FRMPD4: variants seen among roughly 807,000 people sequenced by gnomAD.
FRMPD4 encodes FERM and PDZ domain-containing protein 4.
Under a neutral mutation model 94.1 loss-of-function variants are expected in FRMPD4, and 22 were observed. That is an observed-to-expected ratio of 0.23 (90% CI 0.17 to 0.33). The LOEUF (loss-of-function observed/expected upper bound fraction) is 0.33. Ranked by LOEUF, FRMPD4 falls within the 10% of genes least tolerant of loss-of-function variation. The pLI is 1.00. For missense variants in FRMPD4, 1,111 were observed against 1,339.9 expected, an observed-to-expected ratio of 0.83 and a Z score of 2.67; for synonymous variants, 631 against 548.6, an observed-to-expected ratio of 1.15 and a Z score of -2.10.
At chrX:12,470,795 A>C (rs1409080422) in intron 1 of FRMPD4, among the ~76,000 whole-genome samples, 4 of 111,696 alleles carry the variant, frequency 3.6e-5, no homozygotes, top group African/African-American at 6.5e-5. Flanking sequence ...TGTATCTTCT[A>C]CATTTATCAC....
At position 12,404,463 on chromosome X, in the gene FRMPD4, A is replaced by G. The variant is rs200373061; in HGVS notation, c.42-94217A>G. Among the ~76,000 whole-genome samples, 8 of 112,286 alleles carry G rather than the reference A, an allele frequency of 7.1e-5. 1 individual carries two copies. The East Asian group carries it at 2.2e-3, about 31-fold the overall frequency. On this transcript the variant is annotated intron_variant, in intron 1 of 16. Coordinates refer to ENST00000675598, the MANE Select transcript of FRMPD4 (RefSeq NM_001368397.1). ...AATATCTCAACTTCTAGATTTGTCT[A>G]ATTGCTTTGTTGTAGTCTTGTTAAA...
At chrX:12,597,479 C>G (rs1222853051) in intron 2 of FRMPD4, among the ~76,000 whole-genome samples, 3 of 111,998 alleles carry the variant, frequency 2.7e-5, no homozygotes, top group African/African-American at 9.7e-5. Flanking sequence ...TGTACAAGCC[C>G]TAATAGATCT....
At position 11,823,784 on chromosome X, in the gene FRMPD4, C is replaced by A. The variant is rs754148938; in HGVS notation, c.-161+1069C>A. ...TGAATTATTATTGTTCCTTGGGTTTCTTTTCAATCACATAAAAATGGTAAC... is the reference window on the plus strand; with the variant it reads ...TGAATTATTATTGTTCCTTGGGTTTATTTTCAATCACATAAAAATGGTAAC... On this transcript the variant is annotated intron_variant, in intron 1 of 18. Transcript: ENST00000640291. 4.5e-5 allele frequency among the ~76,000 whole-genome samples: 5 copies of A among 111,985 alleles called. No individual in the cohort carries two copies. The East Asian group carries it at 1.4e-3, about 31-fold the overall frequency.
chrX:12,690,017 A>G (rs2060065010), intron 7 of FRMPD4, among the ~76,000 whole-genome samples, 178 bp from the exon 8 acceptor site: 1 of 112,584 alleles, frequency 8.9e-6, no homozygotes, highest in Non-Finnish European at 1.9e-5. Context: ...AGGGCAAGAG[A>G]AGGAAGGCTT....
chrX:12,583,882 C>T (rs1602165909), intron 2 of FRMPD4, among the ~76,000 whole-genome samples: 1 of 111,464 alleles, frequency 9.0e-6, no homozygotes, highest in Non-Finnish European at 1.9e-5. Context: ...CCTCAGAAAG[C>T]GGGCGTCCAG....
intron 2 of FRMPD4, among the ~76,000 whole-genome samples, chrX:11,873,666 T>G (rs2053766717): frequency 9.2e-6 from 1 of 108,406 alleles, no homozygotes. Flanking sequence ...CCCTAACTGA[T>G]CTATAGACTC....
At position 12,720,612 on chromosome X, in the gene FRMPD4, T is replaced by C; in HGVS notation, c.4043T>C (p.Leu1348Pro). 8.4e-7 allele frequency: 1 copy of C among 1,194,918 alleles called. No individual in the cohort carries two copies. The highest frequency in any genetic ancestry group is 1.8e-5 in the African/African-American group (1 of 57,069). Residue 1348 changes from leucine (L) to proline (P), a missense_variant, in exon 17 of 17, where the codon CTG (leucine) becomes CCG (proline). Physicochemically the swap from Leu to Pro is moderately conservative, Grantham distance 98. Transcript: ENST00000675598. Reference sequence around the variant, plus strand: ...CAACATCCTGAAGCTGATCCCATCCTGCTACCATCAAACATTCACTCGGAA... The same window carrying C: ...CAACATCCTGAAGCTGATCCCATCCCGCTACCATCAAACATTCACTCGGAA... ...WSQHPEADPI[L>P]LPSNIHSESK...
chrX:12,185,019 G>A (rs1317439909), intron 1 of FRMPD4, among the ~76,000 whole-genome samples: 1 of 111,215 alleles, frequency 9.0e-6, no homozygotes, highest in Non-Finnish European at 1.9e-5. Flanking sequence ...GTAACACAAA[G>A]GATAAAAGCT....
At chrX:12,452,329 A>T (rs192884994) in intron 1 of FRMPD4, among the ~76,000 whole-genome samples, 33 of 112,443 alleles carry the variant, frequency 2.9e-4, no homozygotes, top group Admixed American at 4.7e-4. Context: ...CTACTTTGTC[A>T]TACATTATAT....
At chrX:12,076,256 T>A (rs1048851007) in intron 3 of FRMPD4, among the ~76,000 whole-genome samples, 1 of 110,570 alleles carries the variant, frequency 9.0e-6, no homozygotes, top group Non-Finnish European at 1.9e-5. Context: ...TGTTTCCAAA[T>A]GGCAAGTTAG....
At chrX:12,346,961 A>AT (rs1361424427) in intron 1 of FRMPD4, among the ~76,000 whole-genome samples, 1 of 111,819 alleles carries the variant, frequency 8.9e-6, no homozygotes, top group Non-Finnish European at 1.9e-5. Flanking sequence ...TCATTGCCAC[A>AT]AAAGTGGTTG....
chrX:12,056,441 A>G (rs2054854565), intron 3 of FRMPD4, among the ~76,000 whole-genome samples: 1 of 111,678 alleles, frequency 9.0e-6, no homozygotes, highest in East Asian at 2.8e-4. Flanking sequence ...GTTTCTACAC[A>G]GGAACGTTGG....
chrX:12,206,624 A>G (rs2056695524), intron 1 of FRMPD4, among the ~76,000 whole-genome samples: 1 of 112,164 alleles, frequency 8.9e-6, no homozygotes, highest in Non-Finnish European at 1.9e-5. Context: ...TAGAGGTCTC[A>G]GATGCAGCAG....
intron 1 of FRMPD4, among the ~76,000 whole-genome samples, chrX:12,340,826 G>A (rs1379034056): frequency 9.0e-6 from 1 of 111,202 alleles, no homozygotes; most frequent in Non-Finnish European, 1.9e-5. Flanking sequence ...TGCAACTAAT[G>A]GTCTACCTAA....
chrX:12,166,666 GA>G (rs1457797738), intron 1 of FRMPD4, among the ~76,000 whole-genome samples: 3 of 111,302 alleles, frequency 2.7e-5, no homozygotes, highest in African/African-American at 9.8e-5. Context: ...ATTCGGCTGT[GA>G]ATCCATCTGG....
intron 1 of FRMPD4, among the ~76,000 whole-genome samples, chrX:12,336,080 T>G: frequency 9.2e-6 from 1 of 108,713 alleles, no homozygotes; most frequent in East Asian, 2.8e-4. Context: ...TTTTCTAATT[T>G]CCAAGATTTT....
At chrX:12,517,267 G>C (rs1216544608) in intron 2 of FRMPD4, among the ~76,000 whole-genome samples, 1 of 111,285 alleles carries the variant, frequency 9.0e-6, no homozygotes, top group Non-Finnish European at 1.9e-5. Flanking sequence ...TGATCATTTG[G>C]AGGAGAAGAG....
Position 12,138,701 on chromosome X carries a change from G to T in FRMPD4, c.-271G>T. The T allele has an allele frequency of 1.0e-5, 3 of 301,314 alleles. No homozygotes were observed. The highest frequency in any genetic ancestry group is 4.8e-5 in the East Asian group (1 of 20,965). 24.8% of individuals were successfully genotyped at this position (301,314 alleles called of 1,213,427 possible). ...CGCGCTCCCCGCCCCCGCCTCTTGC[G>T]CCCTGCCTGGCTCCCTCTCCATTGA... On this transcript the variant is annotated 5_prime_UTR_variant, in exon 1 of 17. Transcript: ENST00000675598.
chrX:12,423,205 C>T (rs1049339518), intron 1 of FRMPD4, among the ~76,000 whole-genome samples: 2 of 109,366 alleles, frequency 1.8e-5, no homozygotes, highest in Non-Finnish European at 3.8e-5. Flanking sequence ...CGCCACTACA[C>T]GCCAGCCTGG....
Sources: gnomAD v4.1 joint callset for allele counts (sites outside exome capture counted in the v4.1 genomes callset) on GRCh38, gnomAD v4.1.1 for gene constraint, MANE v1.5 for transcripts, NCBI Gene and HGNC (gene_info 2026-07-23, HGNC 2026-07-21) for gene names.